Variants in FGF13 observed in about 807,000 individuals in gnomAD.
The protein encoded by FGF13 is fibroblast growth factor 13, also known as fibroblast growth factor homologous factor 2.
A neutral mutation model predicts 19.5 loss-of-function variants in FGF13; 2 were observed. The observed-to-expected ratio is 0.10, with a 90% CI of 0.04 to 0.32. The LOEUF (loss-of-function observed/expected upper bound fraction) is 0.32, where lower values mean the gene tolerates loss of function less well. Among genes scored for constraint, FGF13 ranks in the 10% least tolerant of loss-of-function variants. The pLI, the probability that FGF13 is intolerant of heterozygous loss-of-function variation, is 1.00. For synonymous variants in FGF13, 72 were observed against 76.9 expected (o/e 0.94, Z 0.33); for missense variants, 113 against 192.7 (o/e 0.59, Z 2.45).
At chrX:138,966,014 T>C (rs770193585) in intron 1 of FGF13, among the ~76,000 whole-genome samples, 1 of 112,416 alleles carries the variant, frequency 8.9e-6, no homozygotes, top group African/African-American at 3.2e-5. Flanking sequence ...AGTGTCAACT[T>C]CATTGGATTA....
At chrX:138,666,237 T>C (rs1234807830) in intron 3 of FGF13, among the ~76,000 whole-genome samples, 1 of 111,233 alleles carries the variant, frequency 9.0e-6, no homozygotes, top group Non-Finnish European at 1.9e-5. Context: ...ATAAGCCTCA[T>C]CAATAAGGAT....
In FGF13 at chrX:138,632,741, G is replaced by T; in HGVS notation, c.*109C>A. 1.1e-6 allele frequency: 1 copy of T among 899,076 alleles called. No homozygotes were observed. The highest frequency in any genetic ancestry group is 1.5e-6 in the Non-Finnish European group (1 of 647,575). 74.1% of individuals were successfully genotyped at this position (899,076 alleles called of 1,213,427 possible). ...AATAGTGAACTCTGCCTGTTTGTTT[G>T]GTAAATGTCACTGACAAATTTGAAC... On this transcript the variant is annotated 3_prime_UTR_variant, in exon 5 of 5. Transcript: ENST00000315930.
Position 138,757,862 on chromosome X carries a change from T to C in FGF13, c.218-48934A>G, listed in dbSNP as rs745447003. 1.7e-4 allele frequency among the ~76,000 whole-genome samples: 19 copies of C among 111,637 alleles called. No individual in the cohort carries two copies. In the South Asian group the frequency reaches 6.9e-3, roughly 40 times the overall value. On this transcript the variant is annotated intron_variant, in intron 3 of 6. Transcript: ENST00000436198. ...TCAGTTCCTTTAGCAACCCTGTGAA[T>C]TGGTAGTATTATTACATCCATGTCT... is the stretch of plus-strand genomic sequence containing the variant.
rs185800904 is a variant in FGF13 at position 138,927,956 on chromosome X, C to T, written c.-112-63306G>A. ...AATATTTACATATAAAGCTATTTAT[C>T]GGAATAATTATTTAGGACAATTAAA... On this transcript the variant is annotated intron_variant, in intron 1 of 2. Coordinates refer to the FGF13 transcript ENST00000421460. Among the ~76,000 whole-genome samples the T allele has an allele frequency of 1.6e-4, 18 of 111,445 alleles. No individual in the cohort carries two copies. In the East Asian group the frequency reaches 3.1e-3, roughly 19 times the overall value.
chrX:138,716,396 G>C (rs1202016744), upstream of FGF13: 2 of 111,317 alleles, frequency 1.8e-5, no homozygotes, highest in African/African-American at 6.5e-5. Flanking sequence ...CAAATGAGGA[G>C]TTTAGAGAAA....
At chrX:138,929,300 G>T (rs2091689556) in intron 1 of FGF13, among the ~76,000 whole-genome samples, 1 of 109,078 alleles carries the variant, frequency 9.2e-6, no homozygotes, top group African/African-American at 3.4e-5. Context: ...GTGGAGAAGA[G>T]ATAAGCTTGA....
At chrX:138,970,608 AC>A (rs2091911868) in intron 1 of FGF13, among the ~76,000 whole-genome samples, 1 of 111,488 alleles carries the variant, frequency 9.0e-6, no homozygotes, top group Admixed American at 9.6e-5. Context: ...TAATTCACCT[AC>A]AGGAGAAATT....
At chrX:138,747,629 C>T (rs2090365579) in intron 3 of FGF13, among the ~76,000 whole-genome samples, 1 of 111,880 alleles carries the variant, frequency 8.9e-6, no homozygotes, top group Admixed American at 9.5e-5. Flanking sequence ...TTCAAGGGCA[C>T]GCCAGGCTGA....
intron 1 of FGF13, among the ~76,000 whole-genome samples, chrX:138,905,113 G>A (rs1318695481): frequency 1.8e-5 from 2 of 111,266 alleles, no homozygotes; most frequent in Non-Finnish European, 3.8e-5. Context: ...ATTGGGTTGA[G>A]TGGCGTAGAA....
At chrX:139,049,295 GT>G (rs2092297344) in intron 1 of FGF13, among the ~76,000 whole-genome samples, 1 of 110,648 alleles carries the variant, frequency 9.0e-6, no homozygotes, top group South Asian at 3.9e-4. Context: ...CTTTTTTTCT[GT>G]TTCTACTGAT....
intron 1 of FGF13, among the ~76,000 whole-genome samples, chrX:139,116,250 A>G (rs1201639426): frequency 2.7e-5 from 3 of 112,505 alleles, no homozygotes; most frequent in African/African-American, 9.7e-5. Context: ...AATTTTCATT[A>G]AAAATGTATA....
At chrX:139,135,393 T>C (rs776446147) in intron 1 of FGF13, among the ~76,000 whole-genome samples, 91 of 112,466 alleles carry the variant, frequency 8.1e-4, no homozygotes, top group African/African-American at 2.8e-3. Context: ...CCACAGAAAG[T>C]GAAATGCTGC....
intron 3 of FGF13, among the ~76,000 whole-genome samples, chrX:138,829,549 A>T (rs1222060636): frequency 1.8e-5 from 2 of 110,814 alleles, no homozygotes; most frequent in Non-Finnish European, 3.8e-5. Flanking sequence ...AGCCAAATAA[A>T]CCTCTTTTCT....
intron 3 of FGF13, among the ~76,000 whole-genome samples, chrX:138,816,515 C>T (rs1042029352): frequency 8.9e-6 from 1 of 112,630 alleles, no homozygotes; most frequent in African/African-American, 3.2e-5. Flanking sequence ...AAGCACAAGG[C>T]TACTTATTGC....
intron 3 of FGF13, among the ~76,000 whole-genome samples, chrX:138,777,515 G>C (rs771178601): frequency 3.6e-5 from 4 of 111,444 alleles, no homozygotes. Context: ...TCTTCTGCCA[G>C]AGGATGCTGG....
chrX:139,106,325 T>C (rs2083559764), intron 1 of FGF13, among the ~76,000 whole-genome samples: 1 of 112,764 alleles, frequency 8.9e-6, no homozygotes, highest in Non-Finnish European at 1.9e-5. Context: ...CCCAAGGCCA[T>C]CCAGCTGGGC....
chrX:138,972,078 G>A (rs949705342), intron 1 of FGF13, among the ~76,000 whole-genome samples: 12 of 108,672 alleles, frequency 1.1e-4, no homozygotes, highest in Non-Finnish European at 1.9e-4. Context: ...GTGTGTGTGT[G>A]TATATCACAT....
rs201393203 is a variant in FGF13 at position 138,692,387 on chromosome X, GT to G, written c.402+10596del. 6.1e-3 allele frequency among the ~76,000 whole-genome samples: 587 copies of G among 95,866 alleles called. 3 individuals carry two copies. Among genetic ancestry groups the G allele is most frequent in the South Asian group, 0.053 (108 of 2,050 alleles). The allele number at this position is 95,866 out of a possible 115,157, so 83.2% of individuals were successfully genotyped here. ...ATGGGGAAAAATGTTTTGTTGAGCT[GT>G]TTTTTTTTTTTTTTCTATCATGTTG... is the stretch of plus-strand genomic sequence containing the variant. On this transcript the variant is annotated intron_variant, in intron 3 of 4. Coordinates refer to ENST00000315930, the MANE Select transcript of FGF13 (RefSeq NM_004114.5).
chrX:139,169,563 A>G (rs2084113247), intron 1 of FGF13, among the ~76,000 whole-genome samples: 1 of 110,471 alleles, frequency 9.1e-6, no homozygotes, highest in Non-Finnish European at 1.9e-5. Flanking sequence ...GTCTCAAGGG[A>G]TCCTCCTGCC....
Sources: allele counts gnomAD v4.1 joint callset (sites outside exome capture counted in the v4.1 genomes callset), GRCh38; gene constraint gnomAD v4.1.1; transcripts MANE v1.5; gene names NCBI Gene and HGNC (gene_info 2026-07-23, HGNC 2026-07-21).